Variants in NELL2 observed in about 807,000 individuals in gnomAD.
NELL2 encodes the protein neural EGFL like 2.
Under a neutral mutation model 109.6 loss-of-function variants are expected in NELL2, and 41 were observed. That is an observed-to-expected ratio of 0.37 (90% confidence interval 0.29 to 0.49). The LOEUF is 0.49. Ranked by LOEUF, NELL2 falls within the 20% of genes least tolerant of loss-of-function variation. The pLI is 0.98. For missense variants in NELL2, 900 were observed against 1,008.3 expected (o/e 0.89, Z 1.45); for synonymous variants, 355 against 344.7 (o/e 1.03, Z -0.33).
chr12:44,648,943 T>TGTGTGTGTGTGTGTG (rs1292852759), intron 13 of NELL2, among the ~76,000 whole-genome samples: 74 of 147,704 alleles, frequency 5.0e-4, no homozygotes, highest in South Asian at 6.5e-4. Context: ...TGTGTGTGTG[T>TGTGTGTGTGTGTGTG]TTAGTAGAGA....
At chr12:44,701,926 T>C (rs1317011334) in intron 12 of NELL2, among the ~76,000 whole-genome samples, 1 of 152,152 alleles carries the variant, frequency 6.6e-6, no homozygotes, top group Non-Finnish European at 1.5e-5. Context: ...ACCTGGCCCC[T>C]GCCTAATTCT....
At chr12:44,772,283 G>A (rs1192214515) in intron 9 of NELL2, among the ~76,000 whole-genome samples, 6 of 151,830 alleles carry the variant, frequency 4.0e-5, no homozygotes, top group East Asian at 3.9e-4. Context: ...ACACACACAC[G>A]CACAAACACA....
At chr12:44,573,087 C>A (rs1943934119) in intron 15 of NELL2, among the ~76,000 whole-genome samples, 1 of 152,150 alleles carries the variant, frequency 6.6e-6, no homozygotes, top group South Asian at 2.1e-4. Flanking sequence ...AGCTCTCACA[C>A]CAAACATTTG....
chr12:44,731,031 T>TG (rs1404604900), intron 9 of NELL2, among the ~76,000 whole-genome samples: 2 of 152,070 alleles, frequency 1.3e-5, no homozygotes, highest in Non-Finnish European at 2.9e-5. Flanking sequence ...AAGAAATGGA[T>TG]AAATTTTAGA....
intron 13 of NELL2, among the ~76,000 whole-genome samples, chr12:44,643,690 C>A (rs7976217): frequency 6.6e-6 from 1 of 152,016 alleles, no homozygotes; most frequent in Non-Finnish European, 1.5e-5. Context: ...TAGGGTTCCA[C>A]GTAGATGCAG....
At chr12:44,520,344 T>C (rs1941473784) in intron 18 of NELL2, 115 bp from the exon 19 acceptor site, 2 of 762,652 alleles carry the variant, frequency 2.6e-6, no homozygotes, top group Admixed American at 3.0e-5. Context: ...TTGATTGATA[T>C]TTAAACTTAG....
At chr12:44,756,225 T>C (rs1208871821) in intron 9 of NELL2, among the ~76,000 whole-genome samples, 1 of 152,126 alleles carries the variant, frequency 6.6e-6, no homozygotes, top group Non-Finnish European at 1.5e-5. Context: ...ATTCTTCAAT[T>C]ATGCTCTGAA....
chr12:44,827,866 T>G (rs755103132), intron 2 of NELL2, among the ~76,000 whole-genome samples: 1 of 152,212 alleles, frequency 6.6e-6, no homozygotes, highest in Non-Finnish European at 1.5e-5. Flanking sequence ...AGCTCTATTT[T>G]AGTTTTCTGA....
At chr12:44,774,890 T>A in intron 8 of NELL2, 41 bp from the exon 9 acceptor site, 1 of 1,477,358 alleles carries the variant, frequency 6.8e-7, no homozygotes, top group Non-Finnish European at 9.4e-7. Flanking sequence ...CATGTTAGAG[T>A]TTAGTAGTTT....
intron 15 of NELL2, among the ~76,000 whole-genome samples, chr12:44,558,292 A>G (rs1486191611): frequency 6.6e-6 from 1 of 152,210 alleles, no homozygotes; most frequent in Non-Finnish European, 1.5e-5. Context: ...AGTCCATAAA[A>G]CAAATTAATT....
intron 2 of NELL2, among the ~76,000 whole-genome samples, chr12:44,856,082 G>A (rs1944675346): frequency 6.6e-6 from 1 of 152,204 alleles, no homozygotes; most frequent in Admixed American, 6.5e-5. Context: ...GGCTTACTAA[G>A]CACATTATGT....
chr12:44,523,397 G>A lies in NELL2; in HGVS notation c.1892C>T (p.Pro631Leu), dbSNP rs1050710. 2.5e-6 allele frequency: 4 copies of A among 1,613,962 alleles called. No individual in the cohort carries two copies. The African/African-American group carries it at 4.0e-5, about 16-fold the overall frequency. ...GTCCCCTGTGCAATTCTTTCCATGA[G>A]GACATCGACAATCATATCCGCCATC... Reference protein sequence around the residue: ...NLDGGYDCRCPHGKNCTGDCI... With the variant: ...NLDGGYDCRCLHGKNCTGDCI... The change falls in exon 17 of 20, where the codon CCT (proline) becomes CTT (leucine). Residue 631 changes from proline to leucine, a missense_variant. Coordinates refer to ENST00000429094, the MANE Select transcript of NELL2 (RefSeq NM_001145108.2).
chr12:44,669,673 C>T (rs1436103161), intron 12 of NELL2, among the ~76,000 whole-genome samples: 2 of 151,970 alleles, frequency 1.3e-5, no homozygotes, highest in African/African-American at 2.4e-5. Flanking sequence ...AAAGACAGGG[C>T]TTTTGAAATA....
chr12:44,700,263 C>G (rs1047675511), intron 12 of NELL2, among the ~76,000 whole-genome samples: 25 of 152,202 alleles, frequency 1.6e-4, no homozygotes, highest in Non-Finnish European at 7.3e-5. Flanking sequence ...GACAAGCCCT[C>G]ACTGGCTTTC....
At chr12:44,683,241 A>G (rs1275488276) in intron 12 of NELL2, among the ~76,000 whole-genome samples, 1 of 152,066 alleles carries the variant, frequency 6.6e-6, no homozygotes, top group Non-Finnish European at 1.5e-5. Flanking sequence ...GGTGTATAAG[A>G]ATGCTTGTGA....
intron 15 of NELL2, among the ~76,000 whole-genome samples, chr12:44,578,376 C>G (rs180676685): frequency 6.7e-6 from 1 of 150,060 alleles, no homozygotes; most frequent in Non-Finnish European, 1.5e-5. Context: ...TTAAGTAAAA[C>G]GATAGAAATC....
At chr12:44,561,641 T>C (rs574104637) in intron 15 of NELL2, among the ~76,000 whole-genome samples, 1 of 152,270 alleles carries the variant, frequency 6.6e-6, no homozygotes, top group East Asian at 1.9e-4. Context: ...CAAGGAGAAC[T>C]ACAAACCACT....
intron 17 of NELL2, 83 bp from the exon 18 acceptor site, chr12:44,522,259 G>T: frequency 8.6e-7 from 1 of 1,165,750 alleles, no homozygotes; most frequent in South Asian, 1.7e-5. Context: ...ACACATTTCA[G>T]ATGGTGACTT....
At chr12:44,920,134 T>C (rs1945858239) in intron 1 of NELL2, among the ~76,000 whole-genome samples, 1 of 151,958 alleles carries the variant, frequency 6.6e-6, no homozygotes, top group Non-Finnish European at 1.5e-5. Flanking sequence ...GTTAATAGAA[T>C]GAGAAAACAG....
Sources: allele counts gnomAD v4.1 joint callset (sites outside exome capture counted in the v4.1 genomes callset), GRCh38; gene constraint gnomAD v4.1.1; transcripts MANE v1.5; gene names NCBI Gene and HGNC (gene_info 2026-07-23, HGNC 2026-07-21).